The following PHACTR3 variants were observed in gnomAD, a reference collection of about 807,000 sequenced individuals.
PHACTR3 encodes phosphatase and actin regulator 3.
Under a neutral mutation model 66.8 loss-of-function variants are expected in PHACTR3, and 16 were observed. The ratio of observed to expected loss-of-function variants is 0.24; its 90% CI spans 0.16 to 0.36. The LOEUF (loss-of-function observed/expected upper bound fraction) is 0.36. PHACTR3 is among the 10% of genes least tolerant of loss of function. PHACTR3 has a pLI of 1.00. For synonymous variants in PHACTR3, 323 were observed against 292.1 expected (o/e 1.11, Z -1.08); for missense variants, 647 against 719.9 (o/e 0.90, Z 1.16).
chr20:59,671,928 C>T (rs1480145035), intron 1 of PHACTR3, among the ~76,000 whole-genome samples: 1 of 152,248 alleles, frequency 6.6e-6, no homozygotes, highest in Non-Finnish European at 1.5e-5. Flanking sequence ...TGCATCTGGT[C>T]CTTGGGAGCA....
At chr20:59,667,422 G>A (rs2036031635) in intron 1 of PHACTR3, among the ~76,000 whole-genome samples, 1 of 152,186 alleles carries the variant, frequency 6.6e-6, no homozygotes, top group Non-Finnish European at 1.5e-5. Flanking sequence ...CTCATTTATT[G>A]ACTTCTCCCA....
At chr20:59,679,722 A>G (rs1015973965) in intron 1 of PHACTR3, among the ~76,000 whole-genome samples, 2 of 152,210 alleles carry the variant, frequency 1.3e-5, no homozygotes, top group African/African-American at 4.8e-5. Context: ...GGTGAAAGGC[A>G]TGTCTTACGT....
chr20:59,758,052 C>G (rs1193038204), intron 4 of PHACTR3, among the ~76,000 whole-genome samples: 1 of 152,162 alleles, frequency 6.6e-6, no homozygotes, highest in Non-Finnish European at 1.5e-5. Flanking sequence ...GCTGGAACCC[C>G]CCAGGGATGG....
At chr20:59,647,712 T>C (rs1462143460) in intron 1 of PHACTR3, among the ~76,000 whole-genome samples, 3 of 152,194 alleles carry the variant, frequency 2.0e-5, no homozygotes, top group Non-Finnish European at 2.9e-5. Context: ...ACACACACCC[T>C]GTACAAACTC....
intron 4 of PHACTR3, among the ~76,000 whole-genome samples, chr20:59,759,024 T>C (rs1231908371): frequency 6.6e-6 from 1 of 152,188 alleles, no homozygotes; most frequent in African/African-American, 2.4e-5. Flanking sequence ...GTCATTGTCA[T>C]CTGTTGTCTT....
chr20:59,847,027 C>G, intron 12 of PHACTR3, 88 bp from the exon 13 acceptor site: 1 of 898,254 alleles, frequency 1.1e-6, no homozygotes, highest in South Asian at 1.6e-5. Context: ...TTTTTAATAG[C>G]AGCAAATTTA....
chr20:59,649,843 G>A (rs377472790), intron 1 of PHACTR3, among the ~76,000 whole-genome samples: 3 of 152,134 alleles, frequency 2.0e-5, no homozygotes, highest in Admixed American at 6.5e-5. Context: ...TGGTTTTAAA[G>A]GTTCCTGTTT....
chr20:59,628,515 T>A, intron 1 of PHACTR3: 1 of 519,920 alleles, frequency 1.9e-6, no homozygotes, highest in Non-Finnish European at 2.5e-6. Context: ...AGTGCAGCCG[T>A]GCATGGGGCC....
intron 1 of PHACTR3, among the ~76,000 whole-genome samples, chr20:59,613,842 T>C (rs1357750950): frequency 6.6e-6 from 1 of 152,266 alleles, no homozygotes; most frequent in Non-Finnish European, 1.5e-5. Flanking sequence ...CTAAACATTA[T>C]GTCCATTCAA....
intron 1 of PHACTR3, among the ~76,000 whole-genome samples, chr20:59,676,015 T>G (rs1330679846): frequency 6.6e-6 from 1 of 152,186 alleles, no homozygotes; most frequent in Non-Finnish European, 1.5e-5. Flanking sequence ...TCAGGTTGCA[T>G]ATCAGACTCC....
intron 1 of PHACTR3, among the ~76,000 whole-genome samples, chr20:59,614,989 C>T (rs866066448): frequency 2.0e-5 from 3 of 152,128 alleles, no homozygotes; most frequent in African/African-American, 4.8e-5. Context: ...ATGACCTCCA[C>T]GGTGTCAGGA....
intron 7 of PHACTR3, among the ~76,000 whole-genome samples, chr20:59,787,437 A>G (rs1285166141): frequency 2.0e-5 from 3 of 152,246 alleles, no homozygotes; most frequent in Admixed American, 6.5e-5. Context: ...ACGAAAGGGA[A>G]GAAGACAGGC....
intron 1 of PHACTR3, among the ~76,000 whole-genome samples, chr20:59,674,610 TCCCC>T (rs1411657837): frequency 2.0e-5 from 1 of 50,316 alleles, no homozygotes; most frequent in African/African-American, 1.2e-4. Flanking sequence ...CTTCTCCTGT[TCCCC>T]CCTTCTCCTG....
At chr20:59,639,880 C>T (rs1344202611) in intron 1 of PHACTR3, among the ~76,000 whole-genome samples, 2 of 152,198 alleles carry the variant, frequency 1.3e-5, no homozygotes, top group East Asian at 1.9e-4. Flanking sequence ...TGTTCTCTTT[C>T]CTCTTCCATG....
chr20:59,674,927 C>T (rs1247436751), intron 1 of PHACTR3, among the ~76,000 whole-genome samples: 1 of 45,146 alleles, frequency 2.2e-5, no homozygotes, highest in Admixed American at 1.8e-4. Flanking sequence ...CCCCCTTCTA[C>T]TGTCCCCCCA....
At chr20:59,810,703 G>A (rs536123233) in intron 8 of PHACTR3, among the ~76,000 whole-genome samples, 2 of 152,256 alleles carry the variant, frequency 1.3e-5, no homozygotes, top group African/African-American at 2.4e-5. Flanking sequence ...TGCTCCCCAC[G>A]GCTACCCCAG....
chr20:59,604,836 CCAG>C lies in PHACTR3; in HGVS notation c.-177_-175del. 1 of 1,212,106 alleles carries C rather than the reference CCAG, an allele frequency of 8.3e-7. No individual in the cohort carries two copies. The highest frequency in any genetic ancestry group is 1.0e-6 in the Non-Finnish European group (1 of 976,710). The allele number at this position is 1,212,106 out of a possible 1,614,324, so 75.1% of individuals were successfully genotyped here. A position where few individuals can be genotyped will look rare whatever the true frequency, so the allele number is the denominator to read the frequency against. On this transcript the variant is annotated 5_prime_UTR_variant, in exon 1 of 13. Transcript: ENST00000371015. Reference sequence around the variant, plus strand: ...AGGCTATTGTCTCCCCGCCCTGAAGCCAGCCCCGGCGTCTTTCTCCAGCTCGTT... The same window carrying C: ...AGGCTATTGTCTCCCCGCCCTGAAGCCCCCGGCGTCTTTCTCCAGCTCGTT...
At chr20:59,661,884 A>G (rs1266953602) in intron 1 of PHACTR3, among the ~76,000 whole-genome samples, 1 of 151,896 alleles carries the variant, frequency 6.6e-6, no homozygotes, top group Non-Finnish European at 1.5e-5. Flanking sequence ...TCTTGTCCAC[A>G]GGGTGACCGC....
chr20:59,688,722 T>C (rs969734617), intron 1 of PHACTR3, among the ~76,000 whole-genome samples: 1 of 152,208 alleles, frequency 6.6e-6, no homozygotes, highest in African/African-American at 2.4e-5. Context: ...TTGTAAGCTG[T>C]GTTACATCGT....
Sources: gnomAD v4.1 joint callset for allele counts (sites outside exome capture counted in the v4.1 genomes callset) on GRCh38, gnomAD v4.1.1 for gene constraint, MANE v1.5 for transcripts, NCBI Gene and HGNC (gene_info 2026-07-23, HGNC 2026-07-21) for gene names.